Variants in ATP1A2 observed in about 807,000 individuals in gnomAD.
ATP1A2 encodes sodium/potassium-transporting ATPase subunit alpha-2.
A neutral mutation model predicts 113.1 loss-of-function variants in ATP1A2; 56 were observed. That is an observed-to-expected ratio of 0.49 (90% CI 0.40 to 0.62). The LOEUF is 0.62. Ranked by LOEUF, ATP1A2 falls within the 20% of genes least tolerant of loss-of-function variation. The pLI, the probability that ATP1A2 is intolerant of heterozygous loss-of-function variation, is 0.00. For missense variants in ATP1A2, 712 were observed against 1,357.8 expected, an observed-to-expected ratio of 0.52 and a Z score of 7.47; for synonymous variants, 490 against 526.8, an observed-to-expected ratio of 0.93 and a Z score of 0.96.
rs62620182 is a variant in ATP1A2 at position 160,142,068 on chromosome 1, C to T, written c.*746C>T. ...CCCCACCAGCAGAACAAACTCAGAT[C>T]TCATCAGGGTAGCAGCAGAGGCAGG... On this transcript the variant is annotated 3_prime_UTR_variant, in exon 23 of 23. Transcript: ENST00000361216. 33,121 of 153,416 alleles carry T rather than the reference C, an allele frequency of 0.22. 3,650 individuals are homozygous for T. The highest frequency in any genetic ancestry group is 0.28 in the South Asian group (1,356 of 4,848). The allele number at this position is 153,416 out of a possible 1,614,324, so 9.5% of individuals were successfully genotyped here. A position where few individuals can be genotyped will look rare whatever the true frequency, so the allele number is the denominator to read the frequency against.
At chr1:160,137,698 C>T (rs1296905487) in intron 20 of ATP1A2, among the ~76,000 whole-genome samples, 3 of 152,158 alleles carry the variant, frequency 2.0e-5, no homozygotes, top group Non-Finnish European at 4.4e-5. Context: ...TCAGTAATGA[C>T]TGTGATTCTA....
chr1:160,116,397 G>A (rs898403841), intron 1 of ATP1A2, among the ~76,000 whole-genome samples: 1 of 151,996 alleles, frequency 6.6e-6, no homozygotes, highest in Non-Finnish European at 1.5e-5. Context: ...GGCCCTGAGT[G>A]CCAAGGACAG....
intron 1 of ATP1A2, among the ~76,000 whole-genome samples, chr1:160,116,445 C>G (rs1273523297): frequency 6.6e-6 from 1 of 151,964 alleles, no homozygotes; most frequent in Admixed American, 6.6e-5. Flanking sequence ...ATGACCCAGC[C>G]CCCACCCCAG....
intron 3 of ATP1A2, among the ~76,000 whole-genome samples, chr1:160,121,670 T>C (rs1450326573): frequency 6.6e-6 from 1 of 152,260 alleles, no homozygotes; most frequent in Non-Finnish European, 1.5e-5. Context: ...ATAGATGCGT[T>C]ACATACATTT....
chr1:160,127,891 A>C (rs1319482683), intron 8 of ATP1A2, 71 bp downstream of exon 8: 23 of 1,515,566 alleles, frequency 1.5e-5, no homozygotes, highest in Non-Finnish European at 2.0e-5. Flanking sequence ...ATAGAGGCAC[A>C]GTTGCTTGTA....
chr1:160,134,278 CACACACACACACAT>C (rs1177459750), intron 13 of ATP1A2, among the ~76,000 whole-genome samples, 192 bp from the exon 14 acceptor site: 11 of 149,442 alleles, frequency 7.4e-5, no homozygotes, highest in African/African-American at 1.2e-4. Flanking sequence ...ACACACACCC[CACACACACACACAT>C]ACACACACAC....
chr1:160,125,346 C>T (rs1651554115), intron 7 of ATP1A2, 93 bp downstream of exon 7: 1 of 1,198,818 alleles, frequency 8.3e-7, no homozygotes, highest in Non-Finnish European at 1.2e-6. Flanking sequence ...CTGGCAAAAG[C>T]TCTGCCATTG....
In ATP1A2 at chr1:160,137,877, A is replaced by G. The variant is rs893724819; in HGVS notation, c.2840+846A>G. On this transcript the variant is annotated intron_variant, in intron 20 of 22. Transcript: ENST00000361216. ...TGAAGTTAATAACACTTAAGATCCA[A>G]GGGAGAATAAAGTGAAAAGCCTGTT... Among the ~76,000 whole-genome samples the G allele has an allele frequency of 5.3e-5, 8 of 152,234 alleles. No individual in the cohort carries two copies. In the South Asian group the frequency reaches 1.7e-3, roughly 32 times the overall value.
At chr1:160,121,366 G>A (rs1050449429) in intron 3 of ATP1A2, 115 bp downstream of exon 3, 117 of 1,290,568 alleles carry the variant, frequency 9.1e-5, no homozygotes, top group Non-Finnish European at 1.3e-4. Context: ...AGGAAACTGA[G>A]GCCCAGAAAC....
intron 13 of ATP1A2, 122 bp downstream of exon 13, chr1:160,130,719 A>G: frequency 7.3e-7 from 1 of 1,377,120 alleles, no homozygotes; most frequent in South Asian, 1.3e-5. Context: ...TGACTCAGAG[A>G]AGAAGCTGTC....
At chr1:160,123,592 G>A (rs772074162) in intron 4 of ATP1A2, among the ~76,000 whole-genome samples, 176 bp downstream of exon 4, 7 of 152,290 alleles carry the variant, frequency 4.6e-5, no homozygotes, top group South Asian at 2.1e-4. Context: ...GTACTCCTCC[G>A]CCAACAGTGC....
At position 160,134,487 on chromosome 1, in the gene ATP1A2, A is replaced by G. The variant is rs1338406668; in HGVS notation, c.1831A>G (p.Ile611Val). 1 of 1,614,158 alleles carries G rather than the reference A, an allele frequency of 6.2e-7. No homozygotes were observed. Among genetic ancestry groups the G allele is most frequent in the Admixed American group, 1.7e-5 (1 of 60,026 alleles). ...GKCRSAGIKV[I>V]MVTGDHPITA... The stretch of plus-strand genomic sequence containing the variant: ...TGTCTCCTCTCCTTCCCACTAGGTG[A>G]TCATGGTAACCGGGGATCACCCTAT... The change falls in exon 14 of 23, where the codon ATC becomes GTC. Residue 611 changes from isoleucine (I) to valine (V), a missense_variant. Physicochemically the swap from Ile to Val is conservative, Grantham distance 29. Transcript: ENST00000361216.
chr1:160,115,848 C>G lies in ATP1A2; in HGVS notation c.-14C>G, dbSNP rs756960901. 1.6e-5 allele frequency: 25 copies of G among 1,596,886 alleles called. No individual in the cohort carries two copies. The Admixed American group carries it at 4.2e-4, about 27-fold the overall frequency. On this transcript the variant is annotated 5_prime_UTR_variant, in exon 1 of 23. Coordinates refer to ENST00000361216, the MANE Select transcript of ATP1A2 (RefSeq NM_000702.4). ...ACCTCTCCCGCTAAGGTCCCTCAGCCACTCTGCCCCAAGATGGGCCGTGGG... is the reference window on the plus strand; with the variant it reads ...ACCTCTCCCGCTAAGGTCCCTCAGCGACTCTGCCCCAAGATGGGCCGTGGG...
At position 160,135,738 on chromosome 1, in the gene ATP1A2, A is replaced by C. The variant is rs1205688086; in HGVS notation, c.2285-101A>C. ...GCCCACTTTAGCTTCCCTTGAACAC[A>C]AAATCTTCCTCTCTTGGGAAGACAG... On this transcript the variant is annotated intron_variant, in intron 16 of 22. Coordinates refer to ENST00000361216, the MANE Select transcript of ATP1A2 (RefSeq NM_000702.4). The surrounding 1 kb of genome is among the most constrained non-coding windows in gnomAD (Gnocchi z 6.3). 6.2e-7 allele frequency: 1 copy of C among 1,610,618 alleles called. No individual in the cohort carries two copies. Among genetic ancestry groups the C allele is most frequent in the Non-Finnish European group, 8.5e-7 (1 of 1,177,492 alleles).
At position 160,115,827 on chromosome 1, in the gene ATP1A2, CT is replaced by C; in HGVS notation, c.-34del. ...GGGCTTGGGATCCTCCTGGTGACCT[CT>C]CCCGCTAAGGTCCCTCAGCCACTCT... On this transcript the variant is annotated 5_prime_UTR_variant, in exon 1 of 23. Coordinates refer to ENST00000361216, the MANE Select transcript of ATP1A2 (RefSeq NM_000702.4). The C allele has an allele frequency of 1.3e-6, 2 of 1,585,544 alleles. No individual in the cohort carries two copies. Among genetic ancestry groups the C allele is most frequent in the South Asian group, 2.3e-5 (2 of 86,588 alleles).
chr1:160,121,977 C>G (rs1651414084), intron 3 of ATP1A2, among the ~76,000 whole-genome samples: 1 of 152,046 alleles, frequency 6.6e-6, no homozygotes. Context: ...ACTAAAAATA[C>G]AAAAATTAGC....
chr1:160,134,517 G>A lies in ATP1A2; in HGVS notation c.1861G>A (p.Ala621Thr), dbSNP rs1342951917. 1 of 1,614,068 alleles carries A rather than the reference G, an allele frequency of 6.2e-7. No individual in the cohort carries two copies. Among genetic ancestry groups the A allele is most frequent in the Non-Finnish European group, 8.5e-7 (1 of 1,180,040 alleles). Residue 621 changes from alanine (A) to threonine (T), a missense_variant, in exon 14 of 23, where the codon GCC becomes ACC. Around this residue, in one of 6 missense-constraint regions of ATP1A2, gnomAD observed 263 missense variants for 380.6 expected, o/e 0.69. Coordinates refer to ENST00000361216, the MANE Select transcript of ATP1A2 (RefSeq NM_000702.4). ...IMVTGDHPIT[A>T]KAIAKGVGII... ...GGTAACCGGGGATCACCCTATCACA[G>A]CCAAGGCCATTGCCAAAGGCGTGGG...
At chr1:160,127,527 A>G in intron 7 of ATP1A2, 25 bp from the exon 8 acceptor site, 1 of 1,613,988 alleles carries the variant, frequency 6.2e-7, no homozygotes, top group Non-Finnish European at 8.5e-7. Context: ...CAAGGCACCC[A>G]ACCTGATGCC....
intron 19 of ATP1A2, 79 bp downstream of exon 19, chr1:160,136,794 G>A: frequency 6.2e-7 from 1 of 1,613,962 alleles, no homozygotes; most frequent in Middle Eastern, 1.6e-4. Flanking sequence ...GGCCAGTGGT[G>A]GCCAACTGGG....
Sources: allele counts gnomAD v4.1 joint callset (sites outside exome capture counted in the v4.1 genomes callset), GRCh38; gene constraint gnomAD v4.1.1; regional missense constraint gnomAD v4.1.1; non-coding constraint Gnocchi (gnomAD v3.1); transcripts MANE v1.5; gene names NCBI Gene and HGNC (gene_info 2026-07-23, HGNC 2026-07-21).